The following NWD2 variants were observed in gnomAD, a reference collection of about 807,000 sequenced individuals.
NWD2 encodes NACHT and WD repeat domain-containing protein 2.
A neutral mutation model predicts 132.7 loss-of-function variants in NWD2; 37 were observed. The observed-to-expected ratio is 0.28, with a 90% CI of 0.21 to 0.37. The LOEUF is 0.37. Among genes scored for constraint, NWD2 ranks in the 10% least tolerant of loss-of-function variants. The pLI is 1.00. For missense variants in NWD2, 1,592 were observed against 2,122.4 expected (o/e 0.75, Z 4.91); for synonymous variants, 705 against 803.0 (o/e 0.88, Z 2.06).
At chr4:37,386,981 C>A (rs1720578077) in intron 3 of NWD2, among the ~76,000 whole-genome samples, 2 of 152,188 alleles carry the variant, frequency 1.3e-5, no homozygotes, top group South Asian at 2.1e-4. Flanking sequence ...GTACAGCCTG[C>A]AGAATTATGA....
Position 37,447,471 on chromosome 4 carries a change from A to C in NWD2, c.*254A>C. The C allele has an allele frequency of 2.0e-6, 1 of 493,004 alleles. No homozygotes were observed. Among genetic ancestry groups the C allele is most frequent in the Non-Finnish European group, 3.6e-6 (1 of 274,374 alleles). The allele number at this position is 493,004 out of a possible 1,614,324, so 30.5% of individuals were successfully genotyped here. On this transcript the variant is annotated 3_prime_UTR_variant, in exon 7 of 7. Transcript: ENST00000309447. ...CTTCATCTGAAAGGCAGAGGCTAAA[A>C]GTTTTTAAATTAGCTGTGTGGTGAG... is the stretch of plus-strand genomic sequence containing the variant.
chr4:37,369,220 G>T (rs998290867), intron 3 of NWD2, among the ~76,000 whole-genome samples: 1 of 152,020 alleles, frequency 6.6e-6, no homozygotes, highest in Non-Finnish European at 1.5e-5. Flanking sequence ...AATAAAATAT[G>T]TATTAATCAG....
At chr4:37,304,559 G>T (rs185655519) in intron 1 of NWD2, among the ~76,000 whole-genome samples, 1 of 152,296 alleles carries the variant, frequency 6.6e-6, no homozygotes, top group Admixed American at 6.5e-5. Context: ...ATACAGTGGG[G>T]GTACAGGCAT....
rs1010022844 is a variant in NWD2 at position 37,446,529 on chromosome 4, G to C, written c.4541G>C (p.Cys1514Ser). The change falls in exon 7 of 7, where the codon TGT (cysteine) becomes TCT (serine). Residue 1514 changes from cysteine (C) to serine (S), a missense_variant. Transcript: ENST00000309447. The surrounding 1 kb of genome is among the most constrained non-coding windows in gnomAD (Gnocchi z 6.7). ...TGGAGTCTGACAGATGAAGTGATCTGTCGGCGCGTGCAACTTCCAAACAAC... is the reference window on the plus strand; with the variant it reads ...TGGAGTCTGACAGATGAAGTGATCTCTCGGCGCGTGCAACTTCCAAACAAC... ...NIWSLTDEVI[C>S]RRVQLPNNFL... The C allele has an allele frequency of 6.4e-7, 1 of 1,551,714 alleles. No individual in the cohort carries two copies. The highest frequency in any genetic ancestry group is 1.2e-5 in the South Asian group (1 of 84,054).
At chr4:37,376,827 T>A (rs1720357584) in intron 3 of NWD2, among the ~76,000 whole-genome samples, 1 of 152,208 alleles carries the variant, frequency 6.6e-6, no homozygotes, top group Non-Finnish European at 1.5e-5. Context: ...GAGTTTTGCA[T>A]GACCTTATTA....
At chr4:37,259,265 A>G (rs549991066) in intron 1 of NWD2, among the ~76,000 whole-genome samples, 66 of 152,324 alleles carry the variant, frequency 4.3e-4, no homozygotes, top group African/African-American at 1.5e-3. Flanking sequence ...TGTGGATTCA[A>G]TTCTGCTGAA....
At chr4:37,311,719 A>G (rs1286856625) in intron 1 of NWD2, among the ~76,000 whole-genome samples, 2 of 148,860 alleles carry the variant, frequency 1.3e-5, no homozygotes, top group East Asian at 3.9e-4. Context: ...TATGTCCGGA[A>G]TGGTAATGCC....
chr4:37,375,276 C>T (rs779447121), intron 3 of NWD2, among the ~76,000 whole-genome samples: 21 of 152,182 alleles, frequency 1.4e-4, no homozygotes, highest in Admixed American at 3.9e-4. Flanking sequence ...GGAATTTGGA[C>T]GTGCAAGTGA....
intron 3 of NWD2, among the ~76,000 whole-genome samples, chr4:37,394,805 T>TTTTTGTTTTGTTTTG (rs1720749958): frequency 1.0e-5 from 1 of 96,416 alleles, no homozygotes; most frequent in Non-Finnish European, 2.2e-5. Flanking sequence ...TATGGTTTTT[T>TTTTTGTTTTGTTTTG]TTTTTTTTTT....
intron 1 of NWD2, among the ~76,000 whole-genome samples, chr4:37,296,940 A>C (rs1718508137): frequency 6.6e-6 from 1 of 152,218 alleles, no homozygotes. Context: ...TCCAGTGTTC[A>C]CAGCAACTTC....
At chr4:37,332,734 G>A (rs1719319582) in intron 2 of NWD2, among the ~76,000 whole-genome samples, 1 of 152,176 alleles carries the variant, frequency 6.6e-6, no homozygotes, top group Non-Finnish European at 1.5e-5. Flanking sequence ...AATTTATCTG[G>A]CAGTTTAGGT....
At chr4:37,392,774 C>G (rs17421722) in intron 3 of NWD2, among the ~76,000 whole-genome samples, 1 of 152,102 alleles carries the variant, frequency 6.6e-6, no homozygotes, top group Admixed American at 6.5e-5. Flanking sequence ...ATAAATGCCT[C>G]TGAGTGAAGA....
intron 3 of NWD2, among the ~76,000 whole-genome samples, chr4:37,417,867 C>T (rs137935084): frequency 2.0e-5 from 3 of 152,144 alleles, no homozygotes; most frequent in African/African-American, 7.2e-5. Flanking sequence ...AGAACTCATG[C>T]TTAACTTAAT....
intron 3 of NWD2, among the ~76,000 whole-genome samples, chr4:37,394,804 T>TTTG (rs1553897360): frequency 2.1e-5 from 2 of 94,838 alleles, no homozygotes; most frequent in African/African-American, 3.7e-5. Context: ...TTATGGTTTT[T>TTTG]TTTTTTTTTT....
intron 1 of NWD2, among the ~76,000 whole-genome samples, chr4:37,320,014 T>G (rs1719036484): frequency 6.6e-6 from 1 of 152,216 alleles, no homozygotes; most frequent in Admixed American, 6.5e-5. Context: ...CTGTGACAAA[T>G]GACATTGGTA....
At chr4:37,265,634 ATCTC>A (rs138436411) in intron 1 of NWD2, among the ~76,000 whole-genome samples, 2 of 150,508 alleles carry the variant, frequency 1.3e-5, no homozygotes, top group East Asian at 1.9e-4. Context: ...CATCCCTCCC[ATCTC>A]TCTCTCTCTC....
At chr4:37,256,389 T>A (rs1388608336) in intron 1 of NWD2, among the ~76,000 whole-genome samples, 1 of 152,216 alleles carries the variant, frequency 6.6e-6, no homozygotes, top group African/African-American at 2.4e-5. Flanking sequence ...AAATCACAGC[T>A]TTCTAAAGGG....
At chr4:37,342,955 C>A (rs1016286747) in intron 2 of NWD2, among the ~76,000 whole-genome samples, 1 of 152,040 alleles carries the variant, frequency 6.6e-6, no homozygotes, top group South Asian at 2.1e-4. Flanking sequence ...CCTATATATC[C>A]GTCATATGTC....
In NWD2 at chr4:37,446,727, T is replaced by C; in HGVS notation, c.4739T>C (p.Val1580Ala). The change falls in exon 7 of 7, where the codon GTA (valine) becomes GCA (alanine). Residue 1580 changes from valine (V) to alanine (A), a missense_variant. This residue lies in a region of NWD2 where 257 missense variants were observed against 335.0 expected (regional missense o/e 0.77). Transcript: ENST00000309447. The surrounding 1 kb of genome is among the most constrained non-coding windows in gnomAD (Gnocchi z 6.7). The stretch of plus-strand genomic sequence containing the variant: ...TTGTCTCGGGATGGTCGCTACCTGG[T>C]ATACATTTGTTTCCGAAATGGGGAG... ...QRLSRDGRYL[V>A]YICFRNGEEE... is the part of the protein sequence containing the mutation. 1 of 1,551,392 alleles carries C rather than the reference T, an allele frequency of 6.4e-7. No homozygotes were observed. The highest frequency in any genetic ancestry group is 8.7e-7 in the Non-Finnish European group (1 of 1,146,936).
Sources: allele counts gnomAD v4.1 joint callset (sites outside exome capture counted in the v4.1 genomes callset), GRCh38; gene constraint gnomAD v4.1.1; regional missense constraint gnomAD v4.1.1; non-coding constraint Gnocchi (gnomAD v3.1); transcripts MANE v1.5; gene names NCBI Gene and HGNC (gene_info 2026-07-23, HGNC 2026-07-21).